SPOCK3: variants seen among roughly 807,000 people sequenced by gnomAD.
SPOCK3 encodes the protein testican-3.
Under a neutral mutation model 56.6 loss-of-function variants are expected in SPOCK3, and 30 were observed. That is an observed-to-expected ratio of 0.53 (90% CI 0.40 to 0.72). The LOEUF (loss-of-function observed/expected upper bound fraction) is 0.72, where lower values mean the gene tolerates loss of function less well. SPOCK3 is among the 30% of genes least tolerant of loss of function. The probability of loss-of-function intolerance (pLI) is 0.00; values close to 1 mark genes in which losing one functional copy is unlikely to be tolerated. For missense variants in SPOCK3, 527 were observed against 530.0 expected, an observed-to-expected ratio of 0.99 and a Z score of 0.06; for synonymous variants, 196 against 183.3, an observed-to-expected ratio of 1.07 and a Z score of -0.56.
chr4:167,040,489 T>C (rs1753146587), intron 3 of SPOCK3, among the ~76,000 whole-genome samples: 2 of 152,284 alleles, frequency 1.3e-5, no homozygotes, highest in South Asian at 2.1e-4. Context: ...TTAGAATGTA[T>C]AAGAAACTGC....
chr4:166,843,085 G>T (rs1270586133), intron 6 of SPOCK3, among the ~76,000 whole-genome samples: 1 of 152,196 alleles, frequency 6.6e-6, no homozygotes, highest in African/African-American at 2.4e-5. Context: ...GCCCCTCACT[G>T]CCTAGGACCT....
chr4:167,048,684 G>T (rs1350047570), intron 3 of SPOCK3, among the ~76,000 whole-genome samples: 2 of 152,108 alleles, frequency 1.3e-5, no homozygotes, highest in African/African-American at 4.8e-5. Flanking sequence ...TAAATCTAAG[G>T]CCATATTAAT....
chr4:167,084,825 G>A (rs1456817488), intron 2 of SPOCK3, among the ~76,000 whole-genome samples: 1 of 151,974 alleles, frequency 6.6e-6, no homozygotes, highest in East Asian at 1.9e-4. Flanking sequence ...GGTTAAATTA[G>A]ACGACAATGT....
intron 2 of SPOCK3, among the ~76,000 whole-genome samples, chr4:167,142,089 C>T (rs1263996109): frequency 6.6e-6 from 1 of 151,870 alleles, no homozygotes; most frequent in Non-Finnish European, 1.5e-5. Flanking sequence ...TTTATTGACA[C>T]ATCAATTAAG....
intron 2 of SPOCK3, among the ~76,000 whole-genome samples, chr4:167,096,641 T>A (rs916285305): frequency 6.6e-6 from 1 of 151,862 alleles, no homozygotes; most frequent in African/African-American, 2.4e-5. Context: ...TTTTTATTTT[T>A]TAAATGTATG....
intron 4 of SPOCK3, among the ~76,000 whole-genome samples, chr4:166,954,806 A>C (rs1432742692): frequency 6.6e-6 from 1 of 152,170 alleles, no homozygotes; most frequent in African/African-American, 2.4e-5. Flanking sequence ...GCCTATTGGC[A>C]TGAAACTCCA....
chr4:166,852,125 C>T (rs1476134024), intron 6 of SPOCK3, among the ~76,000 whole-genome samples: 2 of 150,930 alleles, frequency 1.3e-5, no homozygotes, highest in African/African-American at 2.4e-5. Context: ...GGAAGGGGAA[C>T]ATCACACTCT....
chr4:167,084,047 T>G (rs1320503366), intron 2 of SPOCK3, among the ~76,000 whole-genome samples: 1 of 152,138 alleles, frequency 6.6e-6, no homozygotes, highest in Non-Finnish European at 1.5e-5. Flanking sequence ...TTGCAATGTT[T>G]GAAACTTAAG....
intron 5 of SPOCK3, among the ~76,000 whole-genome samples, chr4:166,905,357 A>G (rs1736495666): frequency 6.6e-6 from 1 of 152,014 alleles, no homozygotes; most frequent in Non-Finnish European, 1.5e-5. Context: ...AAGATCTCTA[A>G]GATATAAAAG....
At chr4:166,754,239 T>G (rs1263407821) in intron 8 of SPOCK3, 2 of 1,133,226 alleles carry the variant, frequency 1.8e-6, no homozygotes, top group Admixed American at 9.1e-5. Flanking sequence ...TATTTCTGTG[T>G]GCTTCTTGGT....
At chr4:167,071,884 G>C (rs142305436) in intron 2 of SPOCK3, among the ~76,000 whole-genome samples, 4,526 of 152,108 alleles carry the variant, frequency 0.03, 207 homozygotes, top group African/African-American at 0.1. Flanking sequence ...TCCAGCATCT[G>C]TTGTTTCCTG....
chr4:167,071,046 G>GGACAC (rs1196121314), intron 2 of SPOCK3, among the ~76,000 whole-genome samples: 3 of 151,872 alleles, frequency 2.0e-5, no homozygotes, highest in Non-Finnish European at 4.4e-5. Context: ...AAAATAAATA[G>GGACAC]TGTCAAAAGG....
At chr4:166,763,997 C>A (rs1410856814) in intron 7 of SPOCK3, among the ~76,000 whole-genome samples, 1 of 151,986 alleles carries the variant, frequency 6.6e-6, no homozygotes, top group Non-Finnish European at 1.5e-5. Context: ...GGGTTGCTGG[C>A]AAGATTTAGT....
chr4:167,233,079 G>A (rs557181356), intron 2 of SPOCK3, among the ~76,000 whole-genome samples: 12 of 152,290 alleles, frequency 7.9e-5, no homozygotes, highest in Admixed American at 2.0e-4. Flanking sequence ...GTGGGCTAGG[G>A]GCGGTATTCA....
At position 166,907,902 on chromosome 4, in the gene SPOCK3, A is replaced by T. The variant is rs571342823; in HGVS notation, c.474+4718T>A. On this transcript the variant is annotated intron_variant, in intron 5 of 10. Coordinates refer to ENST00000357545, the MANE Select transcript of SPOCK3 (RefSeq NM_001040159.2). ...GTTGGCATACCTCAGCCAAAAATCA[A>T]ACGCAACCTAAGTGGAAAAGCAAGT... is the stretch of plus-strand genomic sequence containing the variant. 1.8e-4 allele frequency among the ~76,000 whole-genome samples: 27 copies of T among 152,166 alleles called. No homozygotes were observed. The South Asian group carries it at 3.7e-3, about 21-fold the overall frequency.
At chr4:166,809,416 T>A (rs4143465) in intron 6 of SPOCK3, among the ~76,000 whole-genome samples, 19 of 151,698 alleles carry the variant, frequency 1.3e-4, no homozygotes, top group African/African-American at 3.4e-4. Flanking sequence ...AATATTTAGG[T>A]CATTCTCCTC....
chr4:166,802,264 C>G (rs1742685161), intron 6 of SPOCK3, among the ~76,000 whole-genome samples: 1 of 151,972 alleles, frequency 6.6e-6, no homozygotes, highest in South Asian at 2.1e-4. Context: ...AATAAACAAG[C>G]AGAGGCTCAA....
At chr4:166,945,848 A>G (rs1396882086) in intron 4 of SPOCK3, among the ~76,000 whole-genome samples, 1 of 152,130 alleles carries the variant, frequency 6.6e-6, no homozygotes, top group Non-Finnish European at 1.5e-5. Flanking sequence ...ATGGGAATTG[A>G]TACTTCGTTC....
chr4:166,817,570 G>A (rs1372538504), intron 6 of SPOCK3, among the ~76,000 whole-genome samples: 1 of 152,020 alleles, frequency 6.6e-6, no homozygotes, highest in Non-Finnish European at 1.5e-5. Context: ...TTTGTTTCAT[G>A]CAAACACAAT....
Sources: allele counts gnomAD v4.1 joint callset (sites outside exome capture counted in the v4.1 genomes callset), GRCh38; gene constraint gnomAD v4.1.1; transcripts MANE v1.5; gene names NCBI Gene and HGNC (gene_info 2026-07-23, HGNC 2026-07-21).